PKD1L1: variants seen among roughly 807,000 people sequenced by gnomAD.
PKD1L1 encodes polycystin 1 like 1, transient receptor potential channel interacting, also known as polycystin-1-like protein 1.
PKD1L1 carries 236 observed loss-of-function variants against 323.4 expected under a neutral mutation model. The observed-to-expected ratio is 0.73, with a 90% confidence interval of 0.66 to 0.81. The LOEUF is 0.81. Among genes scored for constraint, PKD1L1 ranks in the 40% least tolerant of loss-of-function variants. The pLI is 0.00. For synonymous variants in PKD1L1, 1,344 were observed against 1,335.0 expected (o/e 1.01, Z -0.15); for missense variants, 3,320 against 3,508.0 (o/e 0.95, Z 1.35).
At chr7:47,829,340 TC>T (rs1785295953) in intron 44 of PKD1L1, 84 bp downstream of exon 44, 2 of 1,328,598 alleles carry the variant, frequency 1.5e-6, no homozygotes, top group African/African-American at 3.0e-5. Context: ...CAATCTGAAT[TC>T]AAAGCCTACA....
intron 2 of PKD1L1, among the ~76,000 whole-genome samples, chr7:47,941,312 G>T (rs1443499810): frequency 1.3e-5 from 2 of 152,216 alleles, no homozygotes; most frequent in Non-Finnish European, 2.9e-5. Flanking sequence ...GAACCCAAAG[G>T]CCTGCAGGCC....
At chr7:47,792,966 A>G (rs1298065789) in intron 55 of PKD1L1, among the ~76,000 whole-genome samples, 169 bp from the exon 56 acceptor site, 1 of 152,114 alleles carries the variant, frequency 6.6e-6, no homozygotes, top group East Asian at 1.9e-4. Flanking sequence ...GCCTACTCTT[A>G]CATCTCTATA....
At chr7:47,817,835 A>T (rs1235098914) in intron 46 of PKD1L1, among the ~76,000 whole-genome samples, 1 of 152,132 alleles carries the variant, frequency 6.6e-6, no homozygotes, top group East Asian at 1.9e-4. Context: ...GCGTCACTGC[A>T]CTCCAGCCTG....
chr7:47,930,446 A>G (rs1441151623), intron 6 of PKD1L1, among the ~76,000 whole-genome samples: 1 of 152,096 alleles, frequency 6.6e-6, no homozygotes, highest in East Asian at 1.9e-4. Context: ...CAGAGCTTGC[A>G]GTGACCCAAG....
chr7:47,950,865 G>T (rs1788194854), upstream of PKD1L1, among the ~76,000 whole-genome samples: 2 of 152,182 alleles, frequency 1.3e-5, no homozygotes, highest in Non-Finnish European at 2.9e-5. Flanking sequence ...CGGGCAGTGC[G>T]GCCAGCATTG....
chr7:47,820,122 T>A (rs764103272), intron 46 of PKD1L1, among the ~76,000 whole-genome samples: 1 of 152,166 alleles, frequency 6.6e-6, no homozygotes, highest in South Asian at 2.1e-4. Context: ...AGACTGACTG[T>A]TTGTGGCAGG....
At chr7:47,796,893 G>A (rs1279197129) in intron 54 of PKD1L1, among the ~76,000 whole-genome samples, 1 of 150,902 alleles carries the variant, frequency 6.6e-6, no homozygotes, top group African/African-American at 2.4e-5. Context: ...CCAGCTACTC[G>A]GGAGGCTGAG....
At chr7:47,960,689 A>G in the PKD1L1 span, among the ~76,000 whole-genome samples, 1 of 141,788 alleles carries the variant, frequency 7.1e-6, no homozygotes, top group African/African-American at 2.9e-5. Flanking sequence ...TAATTTTTCT[A>G]ATTAAAAAAA....
intron 56 of PKD1L1, among the ~76,000 whole-genome samples, chr7:47,779,053 T>G (rs907066059): frequency 1.1e-4 from 16 of 152,308 alleles, no homozygotes; most frequent in African/African-American, 3.1e-4. Flanking sequence ...TACCCTTCAC[T>G]CAAGTAATTT....
chr7:47,855,897 A>G (rs1200043476), intron 28 of PKD1L1, among the ~76,000 whole-genome samples: 1 of 95,526 alleles, frequency 1.0e-5, no homozygotes, highest in East Asian at 2.1e-4. Context: ...AAAAAAAAAA[A>G]AAAGAAAAGT....
intron 56 of PKD1L1, among the ~76,000 whole-genome samples, chr7:47,788,013 T>C (rs1786850999): frequency 1.3e-5 from 2 of 152,208 alleles, no homozygotes; most frequent in African/African-American, 2.4e-5. Flanking sequence ...GTCCGGCCTG[T>C]TGTAGGACTT....
At chr7:47,908,273 A>C in intron 8 of PKD1L1, 23 bp from the exon 9 acceptor site, 1 of 1,595,756 alleles carries the variant, frequency 6.3e-7, no homozygotes, top group Non-Finnish European at 8.6e-7. Flanking sequence ...GAATGAACGG[A>C]CACTTGATGA....
chr7:47,815,476 A>C lies in PKD1L1; in HGVS notation c.6966-19T>G. On this transcript the variant is annotated intron_variant, in intron 46 of 56. Coordinates refer to ENST00000289672, the MANE Select transcript of PKD1L1 (RefSeq NM_138295.5). ...GGCATTTCTTAATGCAAGAACAAAA[A>C]TAAAAAGTTGCTTCTGCATCAACAA... The C allele has an allele frequency of 6.2e-7, 1 of 1,608,816 alleles. No individual in the cohort carries two copies. The highest frequency in any genetic ancestry group is 8.5e-7 in the Non-Finnish European group (1 of 1,178,104).
At chr7:47,958,620 C>G in the PKD1L1 span, among the ~76,000 whole-genome samples, 1 of 152,154 alleles carries the variant, frequency 6.6e-6, no homozygotes, top group Non-Finnish European at 1.5e-5. Flanking sequence ...AGCTTCTGCA[C>G]AGCAAAGGAA....
intron 3 of PKD1L1, among the ~76,000 whole-genome samples, chr7:47,937,707 G>A (rs915511022): frequency 6.6e-6 from 1 of 152,258 alleles, no homozygotes; most frequent in Admixed American, 6.5e-5. Flanking sequence ...GGGGTGGCCG[G>A]GCTGGCTGCT....
At chr7:47,870,424 T>C (rs936324818) in intron 24 of PKD1L1, among the ~76,000 whole-genome samples, 1 of 152,032 alleles carries the variant, frequency 6.6e-6, no homozygotes, top group Non-Finnish European at 1.5e-5. Flanking sequence ...AGGAATGAAA[T>C]TGATATCTCT....
intron 24 of PKD1L1, 42 bp downstream of exon 24, chr7:47,873,857 C>T: frequency 6.7e-7 from 1 of 1,490,826 alleles, no homozygotes; most frequent in Non-Finnish European, 9.2e-7. Flanking sequence ...GGAAGAAATA[C>T]AAATAATGGC....
intron 46 of PKD1L1, among the ~76,000 whole-genome samples, chr7:47,820,434 G>A (rs1276666722): frequency 6.6e-6 from 1 of 152,140 alleles, no homozygotes; most frequent in African/African-American, 2.4e-5. Context: ...AGAGGTGTTA[G>A]AAACTGAAGG....
At chr7:47,842,222 C>T (rs1462925711) in intron 34 of PKD1L1, among the ~76,000 whole-genome samples, 2 of 152,082 alleles carry the variant, frequency 1.3e-5, no homozygotes, top group South Asian at 2.1e-4. Context: ...AGTTGGTAGA[C>T]GAAGGGCTTA....
Sources: gnomAD v4.1 joint callset for allele counts (sites outside exome capture counted in the v4.1 genomes callset) on GRCh38, gnomAD v4.1.1 for gene constraint, MANE v1.5 for transcripts, NCBI Gene and HGNC (gene_info 2026-07-23, HGNC 2026-07-21) for gene names.